The following SNX33 variants were observed in gnomAD, a reference collection of about 807,000 sequenced individuals.
The protein encoded by SNX33 is sorting nexin-33.
In SNX33, 19 loss-of-function variants were observed where a neutral mutation model predicts 38.8. The ratio of observed to expected loss-of-function variants is 0.49; its 90% CI spans 0.34 to 0.72. SNX33 has a LOEUF of 0.72. Among genes scored for constraint, SNX33 ranks in the 30% least tolerant of loss-of-function variants. SNX33 has a pLI of 0.01. For synonymous variants in SNX33, 246 were observed against 289.7 expected (o/e 0.85, Z 1.53); for missense variants, 641 against 776.4 (o/e 0.83, Z 2.07).
rs1893726409 is a variant in SNX33, at chr15:75,661,779, C to CT, written c.*4566dup. Reference sequence around the variant, plus strand: ...CAAACCCAGCTCCCTGCCATCACTCCTTAGAGTCACACTGATGAACTCATT... The same window carrying CT: ...CAAACCCAGCTCCCTGCCATCACTCCTTTAGAGTCACACTGATGAACTCATT... On this transcript the variant is annotated 3_prime_UTR_variant, in exon 2 of 2. Transcript: ENST00000308527. This position sits in a 1 kb window ranked among gnomAD's most constrained non-coding sequence, Gnocchi z 4.5. 6.6e-6 allele frequency: 1 copy of CT among 152,184 alleles called. No individual in the cohort carries two copies. The highest frequency in any genetic ancestry group is 6.5e-5 in the Admixed American group (1 of 15,274). 9.4% of individuals were successfully genotyped at this position (152,184 alleles called of 1,614,324 possible). A position where few individuals can be genotyped will look rare whatever the true frequency, so the allele number is the denominator to read the frequency against.
chr15:75,654,888 G>A lies in SNX33; in HGVS notation c.1472-2074G>A, dbSNP rs375541604. Among the ~76,000 whole-genome samples, 78 of 152,218 alleles carry A rather than the reference G, an allele frequency of 5.1e-4. 2 individuals are homozygous for A. Among genetic ancestry groups the A allele is most frequent in the Admixed American group, 5.2e-4 (8 of 15,280 alleles). ...TTTGGGCTCCTCATCAGCAAAAGAG[G>A]CCTTTCCTTCCTCTAAGGCCATGGA... On this transcript the variant is annotated intron_variant, in intron 1 of 1. Transcript: ENST00000308527.
chr15:75,651,460 T>C (rs1893579351), intron 1 of SNX33, among the ~76,000 whole-genome samples: 1 of 151,654 alleles, frequency 6.6e-6, no homozygotes, highest in South Asian at 2.1e-4. Flanking sequence ...AGGGACAGGA[T>C]GGGCCTCTGC....
rs1339400455 is a variant in SNX33 at position 75,649,729 on chromosome 15, T to C, written c.627T>C (p.Ala209=). ...ATGTGCCCATGATGGCCAAGATCGC[T>C]GAGACATACTCCATTGAAATGGGCC... ...LGDVPMMAKI[A]ETYSIEMGPR... Residue 209 remains alanine, a synonymous_variant, in exon 1 of 2, where the codon GCT becomes GCC. Transcript: ENST00000308527. This position sits in a 1 kb window ranked among gnomAD's most constrained non-coding sequence, Gnocchi z 6.6. The C allele has an allele frequency of 6.5e-7, 1 of 1,540,646 alleles. No homozygotes were observed. The highest frequency in any genetic ancestry group is 1.3e-5 in the South Asian group (1 of 79,146).
Position 75,659,491 on chromosome 15 carries a change from C to G in SNX33, c.*2276C>G, listed in dbSNP as rs1325298238. On this transcript the variant is annotated 3_prime_UTR_variant, in exon 2 of 2. Transcript: ENST00000308527. Reference sequence around the variant, plus strand: ...TTGGGACTTTCTGAGGAATTTTCCCCTCTCTCCACCCTGCCCCATTTTCTA... The same window carrying G: ...TTGGGACTTTCTGAGGAATTTTCCCGTCTCTCCACCCTGCCCCATTTTCTA... The G allele has an allele frequency of 6.6e-6, 1 of 152,332 alleles. No homozygotes were observed. The highest frequency in any genetic ancestry group is 2.4e-5 in the African/African-American group (1 of 41,440). The allele number at this position is 152,332 out of a possible 1,614,324, so 9.4% of individuals were successfully genotyped here.
Position 75,649,604 on chromosome 15 carries a change from G to A in SNX33, c.502G>A (p.Asp168Asn). The change falls in exon 1 of 2, where the codon GAC becomes AAC. Residue 168 changes from aspartate to asparagine, a missense_variant. By Grantham distance (23) the Asp-to-Asn change is conservative (BLOSUM62 1). Transcript: ENST00000308527. The surrounding 1 kb of genome is among the most constrained non-coding windows in gnomAD (Gnocchi z 6.6). ...FRPKPPLERQ[D>N]SLASAKRGSV... is the part of the protein sequence containing the mutation. The stretch of plus-strand genomic sequence containing the variant: ...GCCCAAGCCACCACTGGAGCGGCAG[G>A]ACAGCCTGGCATCTGCCAAGCGAGG... The A allele has an allele frequency of 2.5e-6, 4 of 1,613,838 alleles. No homozygotes were observed. The highest frequency in any genetic ancestry group is 1.7e-5 in the Admixed American group (1 of 60,002).
At position 75,660,016 on chromosome 15, in the gene SNX33, G is replaced by GC. The variant is rs2141402145; in HGVS notation, c.*2801_*2802insC. The GC allele has an allele frequency of 6.6e-6, 1 of 151,950 alleles. No homozygotes were observed. The highest frequency in any genetic ancestry group is 1.9e-4 in the East Asian group (1 of 5,164). The allele number at this position is 151,950 out of a possible 1,614,324, so 9.4% of individuals were successfully genotyped here. A position where few individuals can be genotyped will look rare whatever the true frequency, so the allele number is the denominator to read the frequency against. ...AGCCCCTTTCAGCAGGAGATTGGGG[G>GC]ACCAGTGTTGGGGGCATCCTGGTGA... On this transcript the variant is annotated 3_prime_UTR_variant, in exon 2 of 2. Coordinates refer to ENST00000308527, the MANE Select transcript of SNX33 (RefSeq NM_153271.2).
chr15:75,652,729 T>C (rs937535535), intron 1 of SNX33, among the ~76,000 whole-genome samples: 1 of 152,202 alleles, frequency 6.6e-6, no homozygotes, highest in Admixed American at 6.5e-5. Context: ...CCAAGCCCTC[T>C]CTGGCTTACT....
Position 75,650,669 on chromosome 15 carries a change from T to A in SNX33, c.1471+96T>A. 7.1e-7 allele frequency: 1 copy of A among 1,407,910 alleles called. No homozygotes were observed. Among genetic ancestry groups the A allele is most frequent in the East Asian group, 2.4e-5 (1 of 41,720 alleles). The allele number at this position is 1,407,910 out of a possible 1,614,324, so 87.2% of individuals were successfully genotyped here. A position where few individuals can be genotyped will look rare whatever the true frequency, so the allele number is the denominator to read the frequency against. On this transcript the variant is annotated intron_variant, in intron 1 of 1. Coordinates refer to ENST00000308527, the MANE Select transcript of SNX33 (RefSeq NM_153271.2). This position sits in a 1 kb window ranked among gnomAD's most constrained non-coding sequence, Gnocchi z 6.1. ...GGCCTGGATAGAATGGAGCAACTTG[T>A]CTTTATTTCTCTGTCTCAATCATTC...
chr15:75,657,310 G>A lies in SNX33; in HGVS notation c.*95G>A. 1 of 1,562,470 alleles carries A rather than the reference G, an allele frequency of 6.4e-7. No homozygotes were observed. The highest frequency in any genetic ancestry group is 8.7e-7 in the Non-Finnish European group (1 of 1,153,452). On this transcript the variant is annotated 3_prime_UTR_variant, in exon 2 of 2. Transcript: ENST00000308527. The surrounding 1 kb of genome is among the most constrained non-coding windows in gnomAD (Gnocchi z 5.5). ...CCTATACCAGCAGTGACTGGGGGAG[G>A]GGTCAGCGGTGGGGGAGATAAGCGG...
Position 75,650,239 on chromosome 15 carries a change from C to T in SNX33, c.1137C>T (p.Asp379=), listed in dbSNP as rs1199325125. 1 of 1,589,022 alleles carries T rather than the reference C, an allele frequency of 6.3e-7. No individual in the cohort carries two copies. The highest frequency in any genetic ancestry group is 8.6e-7 in the Non-Finnish European group (1 of 1,166,310). The part of the protein sequence containing the change: ...QDLQDVEDRV[D]TFKAFSKKMD... The stretch of plus-strand genomic sequence containing the variant: ...TGCAGGACGTGGAAGATCGCGTGGA[C>T]ACTTTCAAGGCCTTCAGTAAGAAGA... The change falls in exon 1 of 2, where the codon GAC becomes GAT. Residue 379 remains aspartate, a synonymous_variant. Transcript: ENST00000308527. This position sits in a 1 kb window ranked among gnomAD's most constrained non-coding sequence, Gnocchi z 6.1.
At position 75,649,307 on chromosome 15, in the gene SNX33, G is replaced by A. The variant is rs201133101; in HGVS notation, c.205G>A (p.Asp69Asn). 1.2e-6 allele frequency: 2 copies of A among 1,604,342 alleles called. No homozygotes were observed. The highest frequency in any genetic ancestry group is 4.5e-5 in the East Asian group (2 of 44,690). Residue 69 changes from aspartate (D) to asparagine (N), a missense_variant, in exon 1 of 2, where the codon GAC becomes AAC. By Grantham distance (23) the Asp-to-Asn change is conservative. Coordinates refer to ENST00000308527, the MANE Select transcript of SNX33 (RefSeq NM_153271.2). The surrounding 1 kb of genome is among the most constrained non-coding windows in gnomAD (Gnocchi z 6.6). ...TTCTGGCATCAGCACCAACCATGCT[G>A]ACTACTCCAGCAGCCCTGCAGGCTC... ...VRSGISTNHADYSSSPAGSPG... is the reference protein window; with the variant it reads ...VRSGISTNHANYSSSPAGSPG...
rs1425888176 is a variant in SNX33 at position 75,659,897 on chromosome 15, G to A, written c.*2682G>A. 6 of 152,072 alleles carry A rather than the reference G, an allele frequency of 3.9e-5. No individual in the cohort carries two copies. Among genetic ancestry groups the A allele is most frequent in the Non-Finnish European group, 8.8e-5 (6 of 68,082 alleles). The allele number at this position is 152,072 out of a possible 1,614,324, so 9.4% of individuals were successfully genotyped here. A position where few individuals can be genotyped will look rare whatever the true frequency, so the allele number is the denominator to read the frequency against. On this transcript the variant is annotated 3_prime_UTR_variant, in exon 2 of 2. Transcript: ENST00000308527. ...GCTGGGGCAGGTGTGTGTGTGGCAG[G>A]GAGGGAGGCTGTCCTGGCCCTCCTC...
intron 1 of SNX33, among the ~76,000 whole-genome samples, chr15:75,653,753 C>T (rs1893614718): frequency 6.6e-6 from 1 of 152,158 alleles, no homozygotes; most frequent in Admixed American, 6.5e-5. Context: ...AAAGTGGCGA[C>T]TGTAGGGACA....
Position 75,650,587 on chromosome 15 carries a change from C to T in SNX33, c.1471+14C>T. The stretch of plus-strand genomic sequence containing the variant: ...ATCTACAAAAAGGTAAGGCCCAGTG[C>T]AGGCAGGAAACTCGTCCTGAGTCTG... On this transcript the variant is annotated intron_variant, in intron 1 of 1. Transcript: ENST00000308527. This position sits in a 1 kb window ranked among gnomAD's most constrained non-coding sequence, Gnocchi z 6.1. 4 of 1,569,170 alleles carry T rather than the reference C, an allele frequency of 2.5e-6. No homozygotes were observed. The highest frequency in any genetic ancestry group is 2.6e-6 in the Non-Finnish European group (3 of 1,156,410).
intron 1 of SNX33, among the ~76,000 whole-genome samples, chr15:75,654,181 G>A (rs187369998): frequency 6.6e-6 from 1 of 151,814 alleles, no homozygotes; most frequent in Non-Finnish European, 1.5e-5. Flanking sequence ...TCTCAGGTGC[G>A]CTCCTTTGAA....
chr15:75,659,155 G>C lies in SNX33; in HGVS notation c.*1940G>C, dbSNP rs1893692516. On this transcript the variant is annotated 3_prime_UTR_variant, in exon 2 of 2. Transcript: ENST00000308527. ...AAACTGAAGAGGACGCTGGCTGTTG[G>C]GGGTGCCCTGATCAGGATGAGCGGA... 6.6e-6 allele frequency: 1 copy of C among 152,378 alleles called. No individual in the cohort carries two copies. Among genetic ancestry groups the C allele is most frequent in the Non-Finnish European group, 1.5e-5 (1 of 68,184 alleles). The allele number at this position is 152,378 out of a possible 1,614,324, so 9.4% of individuals were successfully genotyped here. A position where few individuals can be genotyped will look rare whatever the true frequency, so the allele number is the denominator to read the frequency against.
chr15:75,654,510 C>T (rs1893628257), intron 1 of SNX33, among the ~76,000 whole-genome samples: 1 of 152,238 alleles, frequency 6.6e-6, no homozygotes, highest in African/African-American at 2.4e-5. Flanking sequence ...TAGGGAATAT[C>T]CCTGGGACTT....
chr15:75,656,154 CCT>C (rs1309136629), intron 1 of SNX33, among the ~76,000 whole-genome samples: 2 of 151,992 alleles, frequency 1.3e-5, no homozygotes. Flanking sequence ...CACCAGGTGG[CCT>C]TTGAAGAGTT....
Position 75,648,576 on chromosome 15 carries a change from G to A in SNX33, c.-527G>A. On this transcript the variant is annotated 5_prime_UTR_variant, in exon 1 of 2. Coordinates refer to ENST00000308527, the MANE Select transcript of SNX33 (RefSeq NM_153271.2). This position sits in a 1 kb window ranked among gnomAD's most constrained non-coding sequence, Gnocchi z 4.4. ...AGGAGCAAGAGGAGGAAGGAGGAAG[G>A]GGCAGATCTGCAGAGGAATGTGAGA... 1 of 980,252 alleles carries A rather than the reference G, an allele frequency of 1.0e-6. No homozygotes were observed. The highest frequency in any genetic ancestry group is 1.2e-6 in the Non-Finnish European group (1 of 825,206). 60.7% of individuals were successfully genotyped at this position (980,252 alleles called of 1,614,324 possible).
Sources: gnomAD v4.1 joint callset for allele counts (sites outside exome capture counted in the v4.1 genomes callset) on GRCh38, gnomAD v4.1.1 for gene constraint, Gnocchi (gnomAD v3.1) non-coding constraint, MANE v1.5 for transcripts, NCBI Gene and HGNC (gene_info 2026-07-23, HGNC 2026-07-21) for gene names.